ATXN7: variants seen among roughly 807,000 people sequenced by gnomAD.
ATXN7 encodes the protein ataxin-7.
ATXN7 carries 12 observed loss-of-function variants against 70.5 expected under a neutral mutation model. That is an observed-to-expected ratio of 0.17 (90% CI 0.11 to 0.28). The LOEUF (loss-of-function observed/expected upper bound fraction) is 0.28, where lower values mean the gene tolerates loss of function less well. Among genes scored for constraint, ATXN7 ranks in the 10% least tolerant of loss-of-function variants. The pLI is 1.00. For synonymous variants in ATXN7, 498 were observed against 448.7 expected (o/e 1.11, Z -1.39); for missense variants, 1,256 against 1,131.7 (o/e 1.11, Z -1.58).
chr3:63,997,513 C>G, intron 12 of ATXN7: 2 of 896,048 alleles, frequency 2.2e-6, no homozygotes, highest in Non-Finnish European at 3.5e-6. Context: ...GTATTTTTGT[C>G]TCGTCCCAGC....
chr3:63,961,164 A>G (rs1216983915), intron 5 of ATXN7, among the ~76,000 whole-genome samples: 1 of 152,184 alleles, frequency 6.6e-6, no homozygotes, highest in Non-Finnish European at 1.5e-5. Flanking sequence ...GGACAAAGTA[A>G]TATTTACCAA....
At chr3:63,998,533 T>G in intron 12 of ATXN7, 1 of 985,378 alleles carries the variant, frequency 1.0e-6, no homozygotes. Context: ...ACAGCCTAAC[T>G]TTGGGCTTTT....
intron 5 of ATXN7, among the ~76,000 whole-genome samples, chr3:63,959,621 G>C (rs1034846222): frequency 1.2e-4 from 18 of 152,046 alleles, no homozygotes; most frequent in African/African-American, 4.1e-4. Flanking sequence ...AAATTTTTCA[G>C]ATAACTTAAG....
intron 4 of ATXN7, among the ~76,000 whole-genome samples, chr3:63,922,892 CATCATT>C (rs1460814951): frequency 6.6e-6 from 1 of 152,120 alleles, no homozygotes; most frequent in East Asian, 1.9e-4. Context: ...ACACAGAAGC[CATCATT>C]CTGTGTAATC....
At chr3:63,911,553 G>T (rs1559628312) in intron 2 of ATXN7, 1 of 152,134 alleles carries the variant, frequency 6.6e-6, no homozygotes, top group African/African-American at 2.4e-5. Flanking sequence ...TGGGGTGAAT[G>T]AATCACTTCC....
Position 63,980,135 on chromosome 3 carries a change from C to T in ATXN7, c.720C>T (p.Pro240=), listed in dbSNP as rs755177922. ...QLRGNTRPMH[P]IQQSRVPHGR... Reference sequence around the variant, plus strand: ...GGGGGAACACCAGGCCAATGCATCCCATTCAGCAAAGTAGAGTTCCCCATG... The same window carrying T: ...GGGGGAACACCAGGCCAATGCATCCTATTCAGCAAAGTAGAGTTCCCCATG... The change falls in exon 6 of 13, where the codon CCC becomes CCT. Residue 240 remains proline, a synonymous_variant. Transcript: ENST00000674280. 6.2e-7 allele frequency: 1 copy of T among 1,614,196 alleles called. No individual in the cohort carries two copies. The highest frequency in any genetic ancestry group is 8.5e-7 in the Non-Finnish European group (1 of 1,180,038).
chr3:63,911,216 G>A (rs1704003045), intron 2 of ATXN7, among the ~76,000 whole-genome samples: 1 of 152,088 alleles, frequency 6.6e-6, no homozygotes, highest in South Asian at 2.1e-4. Flanking sequence ...TGAGAAAATA[G>A]TAATATCAAC....
intron 1 of ATXN7, among the ~76,000 whole-genome samples, chr3:63,883,913 T>C (rs1317105757): frequency 6.6e-6 from 1 of 152,194 alleles, no homozygotes; most frequent in Non-Finnish European, 1.5e-5. Flanking sequence ...CTGTCAAACC[T>C]GAAAGTCAGA....
intron 4 of ATXN7, among the ~76,000 whole-genome samples, chr3:63,917,039 C>A (rs1704300339): frequency 6.6e-6 from 1 of 152,092 alleles, no homozygotes; most frequent in African/African-American, 2.4e-5. Context: ...CCTACCTCAG[C>A]CTCCCAAGTA....
chr3:63,942,991 C>CTA (rs2074796274), intron 4 of ATXN7, among the ~76,000 whole-genome samples: 1 of 152,182 alleles, frequency 6.6e-6, no homozygotes, highest in Admixed American at 6.5e-5. Context: ...AGGTACTGTG[C>CTA]TATGTACTTG....
chr3:63,996,389 T>C lies in ATXN7; in HGVS notation c.2567T>C (p.Val856Ala). 6.2e-7 allele frequency: 1 copy of C among 1,614,038 alleles called. No individual in the cohort carries two copies. Among genetic ancestry groups the C allele is most frequent in the Non-Finnish European group, 8.5e-7 (1 of 1,180,004 alleles). The change falls in exon 12 of 13, where the codon GTT becomes GCT. Residue 856 changes from valine (V) to alanine (A), a missense_variant. Transcript: ENST00000674280. ...INNSSSKPTK[V>A]AKVPAVNNVH... ...AACAGCAGCAGCAAACCCACAAAGG[T>C]TGCCAAAGTGCCAGCCGTGAACAAT...
chr3:63,971,355 A>T (rs1378882366), intron 5 of ATXN7, among the ~76,000 whole-genome samples: 1 of 152,150 alleles, frequency 6.6e-6, no homozygotes, highest in African/African-American at 2.4e-5. Flanking sequence ...GCTTCCTTTT[A>T]AGCAATTAGA....
chr3:63,882,776 G>T (rs191255439), intron 1 of ATXN7, among the ~76,000 whole-genome samples: 1 of 152,156 alleles, frequency 6.6e-6, no homozygotes, highest in East Asian at 1.9e-4. Context: ...ATGATTTTAG[G>T]ATCTTAGAAA....
At chr3:63,942,229 A>C (rs1053170660) in intron 4 of ATXN7, among the ~76,000 whole-genome samples, 1 of 152,180 alleles carries the variant, frequency 6.6e-6, no homozygotes, top group Non-Finnish European at 1.5e-5. Flanking sequence ...AGCTCATCTA[A>C]TAAGATGGTA....
intron 2 of ATXN7, chr3:63,901,284 A>G (rs538785556): frequency 6.6e-6 from 1 of 152,206 alleles, no homozygotes; most frequent in Non-Finnish European, 1.5e-5. Context: ...ACCTTTATCT[A>G]GTCTCTTTGC....
In ATXN7 at chr3:63,912,626, AG is replaced by A. The variant is rs1180678725; in HGVS notation, c.34del (p.Glu12SerfsTer78). On this transcript the variant is annotated frameshift_variant, in exon 3 of 13. Transcript: ENST00000674280. LOFTEE classifies it high-confidence loss of function. MSERAADDV[R>X]GEPRRAAAAA... ...GTCGGAGCGGGCCGCGGATGACGTC[AG>A]GGGGGAGCCGCGCCGCGCGGCGGCG... The A allele has an allele frequency of 1.9e-6, 2 of 1,051,410 alleles. No homozygotes were observed. The highest frequency in any genetic ancestry group is 2.3e-6 in the Non-Finnish European group (2 of 864,044). 65.1% of individuals were successfully genotyped at this position (1,051,410 alleles called of 1,614,324 possible). A position where few individuals can be genotyped will look rare whatever the true frequency, so the allele number is the denominator to read the frequency against.
intron 4 of ATXN7, among the ~76,000 whole-genome samples, chr3:63,915,971 A>G (rs1027575746): frequency 6.6e-6 from 1 of 152,088 alleles, no homozygotes; most frequent in Admixed American, 6.6e-5. Flanking sequence ...ACAGGCATGA[A>G]CCACCACCCC....
intron 4 of ATXN7, among the ~76,000 whole-genome samples, chr3:63,934,612 A>C (rs1011223638): frequency 6.6e-6 from 1 of 152,176 alleles, no homozygotes; most frequent in Non-Finnish European, 1.5e-5. Flanking sequence ...GAGTTCCTGT[A>C]ATCACCAAGA....
Position 63,982,138 on chromosome 3 carries a change from G to T in ATXN7, c.753-48G>T, listed in dbSNP as rs578077825. On this transcript the variant is annotated intron_variant, in intron 6 of 12. Coordinates refer to ENST00000674280, the MANE Select transcript of ATXN7 (RefSeq NM_001377405.1). The stretch of plus-strand genomic sequence containing the variant: ...CCTCTGGCTCACCATTCACCTGGGG[G>T]CTGCTGAGGCACTCAGGCACTGGTT... 4.3e-6 allele frequency: 7 copies of T among 1,611,212 alleles called. No homozygotes were observed. The East Asian group carries it at 1.3e-4, about 31-fold the overall frequency.
Sources: gnomAD v4.1 joint callset for allele counts (sites outside exome capture counted in the v4.1 genomes callset) on GRCh38, gnomAD v4.1.1 for gene constraint, MANE v1.5 for transcripts, NCBI Gene and HGNC (gene_info 2026-07-23, HGNC 2026-07-21) for gene names.